Variants in LPP observed in about 807,000 individuals in gnomAD.
LPP encodes LIM domain containing preferred translocation partner in lipoma, also known as lipoma-preferred partner.
A neutral mutation model predicts 60.4 loss-of-function variants in LPP; 38 were observed. That is an observed-to-expected ratio of 0.63 (90% CI 0.49 to 0.83). The LOEUF (loss-of-function observed/expected upper bound fraction) is 0.83, where lower values mean the gene tolerates loss of function less well. Among genes scored for constraint, LPP ranks in the 40% least tolerant of loss-of-function variants. LPP has a pLI of 0.00. For synonymous variants in LPP, 328 were observed against 290.8 expected, an observed-to-expected ratio of 1.13 and a Z score of -1.30; for missense variants, 902 against 783.6, an observed-to-expected ratio of 1.15 and a Z score of -1.80.
intron 9 of LPP, among the ~76,000 whole-genome samples, chr3:188,787,112 T>C (rs1310298892): frequency 6.6e-6 from 1 of 152,162 alleles, no homozygotes; most frequent in African/African-American, 2.4e-5. Flanking sequence ...CTTACACATA[T>C]ATACAGACAA....
intron 2 of LPP, among the ~76,000 whole-genome samples, chr3:188,245,733 G>A (rs1726709901): frequency 6.6e-6 from 1 of 150,626 alleles, no homozygotes; most frequent in Non-Finnish European, 1.5e-5. Flanking sequence ...TTGTAGACAC[G>A]AGGTCTCACT....
chr3:188,395,218 A>AT (rs1477036891), intron 3 of LPP, among the ~76,000 whole-genome samples: 1 of 152,068 alleles, frequency 6.6e-6, no homozygotes, highest in African/African-American at 2.4e-5. Context: ...AATAAAGTTG[A>AT]TTTTTAAAAA....
At chr3:188,257,224 T>C (rs1344939332) in intron 2 of LPP, among the ~76,000 whole-genome samples, 1 of 152,218 alleles carries the variant, frequency 6.6e-6, no homozygotes, top group African/African-American at 2.4e-5. Flanking sequence ...AAAGAAGTGT[T>C]GATAAGCTCA....
intron 7 of LPP, among the ~76,000 whole-genome samples, chr3:188,685,552 T>G (rs1023177836): frequency 6.6e-6 from 1 of 152,162 alleles, no homozygotes; most frequent in Admixed American, 6.5e-5. Context: ...ATGGGGCCAC[T>G]AGGCAATTAC....
intron 8 of LPP, among the ~76,000 whole-genome samples, chr3:188,751,893 A>T (rs556878474): frequency 6.6e-6 from 1 of 152,346 alleles, no homozygotes; most frequent in East Asian, 1.9e-4. Context: ...GATTAGGATT[A>T]GGATTGAAAT....
intron 2 of LPP, among the ~76,000 whole-genome samples, chr3:188,295,186 G>A (rs1306564488): frequency 1.3e-5 from 2 of 152,202 alleles, no homozygotes; most frequent in Non-Finnish European, 2.9e-5. Flanking sequence ...CAATTCACAT[G>A]AACTCCAATT....
In LPP at chr3:188,716,963, A is replaced by G. The variant is rs572258646; in HGVS notation, c.1240+8570A>G. 1.4e-3 allele frequency among the ~76,000 whole-genome samples: 211 copies of G among 152,356 alleles called. 2 individuals carry two copies. Among genetic ancestry groups the G allele is most frequent in the African/African-American group, 4.8e-3 (201 of 41,592 alleles). On this transcript the variant is annotated intron_variant, in intron 8 of 11. Transcript: ENST00000617246. ...TTACATGATTTCAACTAACATTTAT[A>G]TAATGCTTTTTAAAGCACTTTTCTA... is the stretch of plus-strand genomic sequence containing the variant.
intron 4 of LPP, among the ~76,000 whole-genome samples, chr3:188,470,782 G>A (rs1028609329): frequency 1.3e-5 from 2 of 152,174 alleles, no homozygotes; most frequent in Non-Finnish European, 2.9e-5. Context: ...TGTCCAGGAA[G>A]CCAGAGGAAG....
chr3:188,219,284 C>T (rs1714901883), intron 1 of LPP, among the ~76,000 whole-genome samples: 1 of 152,098 alleles, frequency 6.6e-6, no homozygotes, highest in African/African-American at 2.4e-5. Flanking sequence ...AAGGGTCAAG[C>T]ACAGTTCCTT....
intron 3 of LPP, among the ~76,000 whole-genome samples, chr3:188,343,559 G>A (rs1376604717): frequency 2.0e-5 from 3 of 152,136 alleles, no homozygotes; most frequent in East Asian, 1.9e-4. Flanking sequence ...GATGCCAATT[G>A]TTAAATATTA....
At chr3:188,170,713 A>C (rs1721354697) in intron 1 of LPP, among the ~76,000 whole-genome samples, 1 of 151,918 alleles carries the variant, frequency 6.6e-6, no homozygotes, top group South Asian at 2.1e-4. Flanking sequence ...ACTTCCTCCA[A>C]CTTACCTTCC....
intron 3 of LPP, among the ~76,000 whole-genome samples, chr3:188,401,341 T>G (rs935842520): frequency 3.9e-5 from 6 of 152,226 alleles, no homozygotes; most frequent in African/African-American, 1.4e-4. Flanking sequence ...GTGCCGCTGG[T>G]CTGATCCCTG....
intron 5 of LPP, among the ~76,000 whole-genome samples, chr3:188,503,359 T>G (rs1383651902): frequency 6.6e-6 from 1 of 152,154 alleles, no homozygotes; most frequent in African/African-American, 2.4e-5. Flanking sequence ...GAAAACAAAA[T>G]TGGGCTTACC....
At chr3:188,517,288 T>C (rs982719779) in intron 5 of LPP, among the ~76,000 whole-genome samples, 1 of 152,144 alleles carries the variant, frequency 6.6e-6, no homozygotes, top group Non-Finnish European at 1.5e-5. Context: ...TTTGAGGAAA[T>C]TACTTAATAC....
chr3:188,358,154 T>G (rs2150908718), intron 3 of LPP, among the ~76,000 whole-genome samples: 1 of 152,352 alleles, frequency 6.6e-6, no homozygotes, highest in Non-Finnish European at 1.5e-5. Flanking sequence ...AGGAAGGTAC[T>G]GTTATTATCA....
chr3:188,658,376 C>A (rs1004800715), intron 7 of LPP, among the ~76,000 whole-genome samples: 1 of 151,390 alleles, frequency 6.6e-6, no homozygotes, highest in Non-Finnish European at 1.5e-5. Flanking sequence ...AAACTCCTGA[C>A]CTCAGGTGGT....
intron 5 of LPP, among the ~76,000 whole-genome samples, chr3:188,508,938 T>C (rs558824256): frequency 6.6e-6 from 1 of 152,178 alleles, no homozygotes; most frequent in East Asian, 1.9e-4. Flanking sequence ...GGCCGATGGG[T>C]TTGTTAAATG....
At chr3:188,617,455 T>G (rs1426395649) in intron 7 of LPP, among the ~76,000 whole-genome samples, 1 of 152,160 alleles carries the variant, frequency 6.6e-6, no homozygotes, top group Non-Finnish European at 1.5e-5. Flanking sequence ...TTATTTCCTA[T>G]CTTTAGAACC....
intron 6 of LPP, among the ~76,000 whole-genome samples, chr3:188,561,760 T>C (rs1830746259): frequency 1.3e-5 from 2 of 152,054 alleles, no homozygotes; most frequent in Admixed American, 6.6e-5. Context: ...ACTCATTACA[T>C]ATAAGGATAG....
Sources: allele counts gnomAD v4.1 joint callset (sites outside exome capture counted in the v4.1 genomes callset), GRCh38; gene constraint gnomAD v4.1.1; transcripts MANE v1.5; gene names NCBI Gene and HGNC (gene_info 2026-07-23, HGNC 2026-07-21).